The following BTBD9 variants were observed in gnomAD, a reference collection of about 807,000 sequenced individuals.
BTBD9 encodes BTB domain containing 9, also known as BTB/POZ domain-containing protein 9.
In BTBD9, 49 loss-of-function variants were observed where a neutral mutation model predicts 64.3. The ratio of observed to expected loss-of-function variants is 0.76; its 90% CI spans 0.61 to 0.97. The LOEUF (loss-of-function observed/expected upper bound fraction) is 0.97, where lower values mean the gene tolerates loss of function less well. Ranked by LOEUF, BTBD9 falls within the 50% of genes least tolerant of loss-of-function variation. BTBD9 has a pLI of 0.00. For synonymous variants in BTBD9, 260 were observed against 274.7 expected (o/e 0.95, Z 0.53); for missense variants, 598 against 762.1 (o/e 0.78, Z 2.53).
At chr6:38,539,307 C>T (rs1297899562) in intron 6 of BTBD9, among the ~76,000 whole-genome samples, 1 of 152,128 alleles carries the variant, frequency 6.6e-6, no homozygotes, top group Non-Finnish European at 1.5e-5. Flanking sequence ...ATGACTGTAT[C>T]TTAGTTCAAC....
At chr6:38,468,478 C>T (rs1169455505) in intron 6 of BTBD9, among the ~76,000 whole-genome samples, 2 of 152,208 alleles carry the variant, frequency 1.3e-5, no homozygotes, top group Admixed American at 1.3e-4. Context: ...AGGCATCTTT[C>T]AAGGCCTAGT....
chr6:38,308,596 G>A (rs1762711589), intron 7 of BTBD9, among the ~76,000 whole-genome samples: 1 of 152,028 alleles, frequency 6.6e-6, no homozygotes, highest in Non-Finnish European at 1.5e-5. Context: ...AAAATCAACA[G>A]AGTTTTGTTT....
chr6:38,314,288 C>T (rs576358041), intron 7 of BTBD9, among the ~76,000 whole-genome samples: 3 of 151,260 alleles, frequency 2.0e-5, no homozygotes, highest in South Asian at 2.1e-4. Flanking sequence ...CTCCGCCTCC[C>T]GGGTTCACGC....
chr6:38,633,792 TA>T (rs564631129), intron 1 of BTBD9, among the ~76,000 whole-genome samples: 102 of 149,726 alleles, frequency 6.8e-4, no homozygotes, highest in African/African-American at 2.2e-3. Context: ...ATTTGATTGC[TA>T]AAAAAAAAAT....
At chr6:38,634,708 C>T (rs1778473593) in intron 1 of BTBD9, among the ~76,000 whole-genome samples, 2 of 152,072 alleles carry the variant, frequency 1.3e-5, no homozygotes, top group Non-Finnish European at 2.9e-5. Flanking sequence ...CTCCCCATGA[C>T]TCATCAGAGA....
chr6:38,594,360 C>G (rs749913214), intron 2 of BTBD9, 33 bp from the exon 3 acceptor site: 3 of 1,537,722 alleles, frequency 2.0e-6, no homozygotes, highest in South Asian at 2.5e-5. Context: ...ATGAAGAAAC[C>G]CTCAAATAGG....
intron 6 of BTBD9, among the ~76,000 whole-genome samples, chr6:38,503,034 T>C (rs557227745): frequency 6.6e-6 from 1 of 152,340 alleles, no homozygotes; most frequent in East Asian, 1.9e-4. Context: ...AGGGGAAAAC[T>C]GACATTCTAC....
chr6:38,542,507 T>C (rs1336025668), intron 6 of BTBD9, among the ~76,000 whole-genome samples: 1 of 152,158 alleles, frequency 6.6e-6, no homozygotes, highest in Non-Finnish European at 1.5e-5. Flanking sequence ...TCCACTGCCA[T>C]CACACTAATA....
Position 38,359,063 on chromosome 6 carries a change from G to T in BTBD9, c.1155-13970C>A, listed in dbSNP as rs189797428. Among the ~76,000 whole-genome samples the T allele has an allele frequency of 1.3e-3, 202 of 152,198 alleles. 2 individuals are homozygous for T. Among genetic ancestry groups the T allele is most frequent in the Admixed American group, 3.8e-3 (58 of 15,296 alleles). ...TGGGATTACAGGCGTGAGCCACCGCGCCCGGCCGGATTGTGACCTTTTTGT... is the reference window on the plus strand; with the variant it reads ...TGGGATTACAGGCGTGAGCCACCGCTCCCGGCCGGATTGTGACCTTTTTGT... On this transcript the variant is annotated intron_variant, in intron 6 of 10. Transcript: ENST00000481247.
chr6:38,502,394 A>G (rs1001149726), intron 6 of BTBD9, among the ~76,000 whole-genome samples: 3 of 152,106 alleles, frequency 2.0e-5, no homozygotes, highest in Admixed American at 6.5e-5. Flanking sequence ...AAGCAAGGTG[A>G]TTTTTAAATT....
At chr6:38,482,584 G>A (rs1213982561) in intron 6 of BTBD9, 2 of 152,030 alleles carry the variant, frequency 1.3e-5, no homozygotes, top group African/African-American at 4.8e-5. Flanking sequence ...TGTTATATGA[G>A]TCCTTTCTAC....
intron 2 of BTBD9, chr6:38,595,794 T>C: frequency 6.1e-6 from 6 of 985,368 alleles, no homozygotes; most frequent in Non-Finnish European, 7.2e-6. Flanking sequence ...ATACTCTGCC[T>C]AAAAGTACCC....
chr6:38,459,494 A>T (rs949529331), intron 6 of BTBD9, among the ~76,000 whole-genome samples: 2 of 152,206 alleles, frequency 1.3e-5, no homozygotes, highest in Non-Finnish European at 2.9e-5. Flanking sequence ...ATGAATCATC[A>T]ACTCTGGCTT....
intron 6 of BTBD9, among the ~76,000 whole-genome samples, chr6:38,502,644 C>T (rs531137469): frequency 6.6e-6 from 1 of 152,350 alleles, no homozygotes; most frequent in South Asian, 2.1e-4. Flanking sequence ...TCTTCATCTT[C>T]TGCGCAGGTC....
chr6:38,251,609 A>C (rs546643541), intron 9 of BTBD9, among the ~76,000 whole-genome samples: 1 of 152,204 alleles, frequency 6.6e-6, no homozygotes, highest in African/African-American at 2.4e-5. Context: ...TCAACTATAA[A>C]AATATTTCAG....
intron 6 of BTBD9, among the ~76,000 whole-genome samples, chr6:38,460,427 C>T (rs920795369): frequency 6.6e-6 from 1 of 152,120 alleles, no homozygotes; most frequent in Non-Finnish European, 1.5e-5. Context: ...TTATGCACAC[C>T]GCAGTTGCGT....
At chr6:38,593,084 A>G (rs1041187324) in intron 3 of BTBD9, among the ~76,000 whole-genome samples, 7 of 152,224 alleles carry the variant, frequency 4.6e-5, no homozygotes, top group Admixed American at 2.0e-4. Flanking sequence ...ATCTTTCCAA[A>G]CACATCTGCA....
chr6:38,269,904 C>T (rs534610822), intron 8 of BTBD9, among the ~76,000 whole-genome samples: 5 of 152,280 alleles, frequency 3.3e-5, no homozygotes, highest in South Asian at 4.1e-4. Flanking sequence ...GGCCAGTCTC[C>T]GTGCCATGTA....
intron 9 of BTBD9, among the ~76,000 whole-genome samples, chr6:38,221,801 G>A (rs1409578177): frequency 6.6e-6 from 1 of 152,132 alleles, no homozygotes; most frequent in African/African-American, 2.4e-5. Context: ...GACCAGCCTG[G>A]CCAATATGGT....
Sources: gnomAD v4.1 joint callset for allele counts (sites outside exome capture counted in the v4.1 genomes callset) on GRCh38, gnomAD v4.1.1 for gene constraint, MANE v1.5 for transcripts, NCBI Gene and HGNC (gene_info 2026-07-23, HGNC 2026-07-21) for gene names.